The following AKAP13 variants were observed in gnomAD, a reference collection of about 807,000 sequenced individuals.
AKAP13 encodes A-kinase anchor protein 13.
Under a neutral mutation model 264.5 loss-of-function variants are expected in AKAP13, and 80 were observed. The observed-to-expected ratio is 0.30, with a 90% confidence interval of 0.25 to 0.36. The LOEUF is 0.36. Among genes scored for constraint, AKAP13 ranks in the 10% least tolerant of loss-of-function variants. The pLI, the probability that AKAP13 is intolerant of heterozygous loss-of-function variation, is 1.00. For missense variants in AKAP13, 3,712 were observed against 3,435.2 expected, an observed-to-expected ratio of 1.08 and a Z score of -2.01; for synonymous variants, 1,380 against 1,250.2, an observed-to-expected ratio of 1.10 and a Z score of -2.19.
chr15:85,422,447 G>T (rs2072566936), intron 1 of AKAP13, among the ~76,000 whole-genome samples: 1 of 152,198 alleles, frequency 6.6e-6, no homozygotes, highest in Non-Finnish European at 1.5e-5. Context: ...GAAGTACTCT[G>T]TTCAGTTTTC....
chr15:85,575,212 A>C lies in AKAP13; in HGVS notation c.744A>C (p.Arg248=), dbSNP rs142236627. ...GAGACTGTTCTGTGAGGCATCATCG[A>C]GAGTTGGACATCTATACATTAACCT... ...PYGDCSVRHH[R]ELDIYTLTSE... The change falls in exon 6 of 37, where the codon CGA becomes CGC. Residue 248 remains arginine (R), a synonymous_variant. Transcript: ENST00000394518. 1.2e-6 allele frequency: 2 copies of C among 1,614,024 alleles called. No individual in the cohort carries two copies. Among genetic ancestry groups the C allele is most frequent in the African/African-American group, 2.7e-5 (2 of 74,908 alleles).
chr15:85,492,383 AAAAAC>A (rs1309355785), intron 2 of AKAP13, among the ~76,000 whole-genome samples: 1 of 152,222 alleles, frequency 6.6e-6, no homozygotes, highest in Non-Finnish European at 1.5e-5. Context: ...CCCCATCTCA[AAAAAC>A]AAAACAAAAC....
intron 5 of AKAP13, among the ~76,000 whole-genome samples, chr15:85,566,276 C>T (rs866102264): frequency 8.5e-5 from 13 of 152,268 alleles, no homozygotes; most frequent in Middle Eastern, 6.8e-3. Context: ...ATGATGGTGC[C>T]TTTACAAGTA....
In AKAP13 at chr15:85,730,494, C is replaced by T. The variant is rs758717155; in HGVS notation, c.7088-19C>T. On this transcript the variant is annotated intron_variant, in intron 29 of 36. Transcript: ENST00000394518. ...ACTAAACACCAATCAAATCACAGAT[C>T]ATTTTCTCCTTCCTGCAGAACAACT... 4 of 1,610,284 alleles carry T rather than the reference C, an allele frequency of 2.5e-6. No individual in the cohort carries two copies. The highest frequency in any genetic ancestry group is 3.4e-6 in the Non-Finnish European group (4 of 1,177,484).
intron 3 of AKAP13, among the ~76,000 whole-genome samples, chr15:85,525,272 A>T (rs564326289): frequency 3.5e-4 from 53 of 151,932 alleles, no homozygotes; most frequent in African/African-American, 1.3e-3. Flanking sequence ...GTTAGCCAGG[A>T]TGGTCTCGAT....
chr15:85,540,600 A>G (rs1167584284), intron 4 of AKAP13, among the ~76,000 whole-genome samples: 1 of 152,208 alleles, frequency 6.6e-6, no homozygotes, highest in Non-Finnish European at 1.5e-5. Context: ...ATGCAGAGAA[A>G]AGGGAACAGA....
intron 17 of AKAP13, among the ~76,000 whole-genome samples, chr15:85,703,267 T>C (rs2086034181): frequency 2.0e-5 from 3 of 152,354 alleles, no homozygotes; most frequent in South Asian, 4.1e-4. Flanking sequence ...GGAAGTTTAT[T>C]ACTTAGGGAA....
chr15:85,420,135 G>T (rs2072454076), intron 1 of AKAP13, among the ~76,000 whole-genome samples: 1 of 150,896 alleles, frequency 6.6e-6, no homozygotes, highest in Non-Finnish European at 1.5e-5. Flanking sequence ...TAGAGACGGG[G>T]TTTCACCGCT....
At chr15:85,646,909 A>G (rs1357788851) in intron 10 of AKAP13, among the ~76,000 whole-genome samples, 2 of 152,254 alleles carry the variant, frequency 1.3e-5, no homozygotes, top group Non-Finnish European at 2.9e-5. Context: ...CTTTCCCCAC[A>G]GCAGAGATGG....
At chr15:85,465,246 C>A (rs1047604553) in intron 1 of AKAP13, among the ~76,000 whole-genome samples, 1 of 152,062 alleles carries the variant, frequency 6.6e-6, no homozygotes, top group African/African-American at 2.4e-5. Context: ...GCCACCACGC[C>A]CGGCCAGGCA....
chr15:85,545,233 C>T (rs1356985484), intron 5 of AKAP13, among the ~76,000 whole-genome samples: 6 of 152,216 alleles, frequency 3.9e-5, no homozygotes, highest in Non-Finnish European at 8.8e-5. Context: ...GCCTCATGGC[C>T]TCAGGAAGAG....
chr15:85,407,273 G>C (rs1285235142), intron 1 of AKAP13, among the ~76,000 whole-genome samples: 1 of 149,876 alleles, frequency 6.7e-6, no homozygotes, highest in Admixed American at 6.6e-5. Context: ...TGTCACCCAG[G>C]CTGGAATGCA....
chr15:85,472,102 G>C (rs891276228), intron 1 of AKAP13, among the ~76,000 whole-genome samples: 1 of 151,634 alleles, frequency 6.6e-6, no homozygotes. Flanking sequence ...TTTTTATGCT[G>C]TTACAATTAT....
chr15:85,609,796 C>A (rs969922310), intron 8 of AKAP13, among the ~76,000 whole-genome samples: 1 of 152,198 alleles, frequency 6.6e-6, no homozygotes, highest in African/African-American at 2.4e-5. Context: ...TCTTTACCTT[C>A]ACTCACACTC....
intron 9 of AKAP13, among the ~76,000 whole-genome samples, chr15:85,639,750 T>C (rs2082220704): frequency 6.6e-6 from 1 of 152,224 alleles, no homozygotes; most frequent in South Asian, 2.1e-4. Context: ...ATAAATATAC[T>C]GTTAACCAAA....
intron 14 of AKAP13, among the ~76,000 whole-genome samples, chr15:85,681,740 C>T (rs920652223): frequency 1.7e-5 from 2 of 117,188 alleles, no homozygotes; most frequent in African/African-American, 6.1e-5. Context: ...CTTATAGAAA[C>T]ATATAAAAGC....
rs59703416 is a variant in AKAP13 at position 85,589,710 on chromosome 15, G to GAAA, written c.4161+3902_4161+3904dup. On this transcript the variant is annotated intron_variant, in intron 8 of 36. Transcript: ENST00000394518. ...GGGCGACAGAGTAACACTCTGTCTT[G>GAAA]AAAAAAAAAAAAAAAAAGCCTACTC... 1.4e-3 allele frequency among the ~76,000 whole-genome samples: 141 copies of GAAA among 99,836 alleles called. 2 individuals are homozygous for GAAA. Among genetic ancestry groups the GAAA allele is most frequent in the African/African-American group, 2.8e-3 (77 of 27,774 alleles). The allele number at this position is 99,836 out of a possible 152,430, so 65.5% of individuals were successfully genotyped here. A position where few individuals can be genotyped will look rare whatever the true frequency, so the allele number is the denominator to read the frequency against.
intron 17 of AKAP13, among the ~76,000 whole-genome samples, chr15:85,696,492 A>C (rs573224840): frequency 6.6e-6 from 1 of 152,330 alleles, no homozygotes; most frequent in Non-Finnish European, 1.5e-5. Flanking sequence ...CATTTTAAAT[A>C]AGAGCTGTAA....
intron 1 of AKAP13, among the ~76,000 whole-genome samples, chr15:85,462,977 T>G (rs1349649001): frequency 1.4e-4 from 16 of 118,078 alleles, no homozygotes; most frequent in Non-Finnish European, 2.6e-4. Context: ...TGAGCCGAGA[T>G]CCCGCCACTG....
Sources: gnomAD v4.1 joint callset for allele counts (sites outside exome capture counted in the v4.1 genomes callset) on GRCh38, gnomAD v4.1.1 for gene constraint, MANE v1.5 for transcripts, NCBI Gene and HGNC (gene_info 2026-07-23, HGNC 2026-07-21) for gene names.